Variants in XKR4 observed in about 807,000 individuals in gnomAD.
XKR4 encodes the protein XK related 4.
XKR4 carries 12 observed loss-of-function variants against 53.9 expected under a neutral mutation model. The ratio of observed to expected loss-of-function variants is 0.22; its 90% confidence interval spans 0.14 to 0.36. The LOEUF is 0.36. Among genes scored for constraint, XKR4 ranks in the 10% least tolerant of loss-of-function variants. The pLI is 1.00. For missense variants in XKR4, 799 were observed against 859.5 expected (o/e 0.93, Z 0.88); for synonymous variants, 354 against 362.4 (o/e 0.98, Z 0.26).
chr8:55,500,067 T>A (rs1184049097), intron 2 of XKR4, among the ~76,000 whole-genome samples: 6 of 151,848 alleles, frequency 4.0e-5, no homozygotes, highest in Admixed American at 3.9e-4. Flanking sequence ...GAGGAAATGG[T>A]TTTACTGCCT....
At chr8:55,432,223 A>C (rs900293869) in intron 2 of XKR4, among the ~76,000 whole-genome samples, 4 of 152,096 alleles carry the variant, frequency 2.6e-5, no homozygotes, top group African/African-American at 4.8e-5. Flanking sequence ...AAGCCAGGCC[A>C]CCTGGGTTGG....
At chr8:55,122,251 G>A (rs1411956188) in intron 1 of XKR4, among the ~76,000 whole-genome samples, 2 of 152,258 alleles carry the variant, frequency 1.3e-5, no homozygotes, top group African/African-American at 2.4e-5. Context: ...GGTGTCAAAT[G>A]TCAGTGTCAC....
At position 55,532,024 on chromosome 8, in the gene XKR4, T is replaced by C. The variant is rs1204800983; in HGVS notation, c.*7797T>C. 2 of 152,208 alleles carry C rather than the reference T, an allele frequency of 1.3e-5. No individual in the cohort carries two copies. The highest frequency in any genetic ancestry group is 2.4e-5 in the African/African-American group (1 of 41,442). The allele number at this position is 152,208 out of a possible 1,614,324, so 9.4% of individuals were successfully genotyped here. A position where few individuals can be genotyped will look rare whatever the true frequency, so the allele number is the denominator to read the frequency against. On this transcript the variant is annotated 3_prime_UTR_variant, in exon 3 of 3. Coordinates refer to ENST00000327381, the MANE Select transcript of XKR4 (RefSeq NM_052898.2). ...TCCTGAGTGATTGGCTTCCCACATA[T>C]ATAAGCAGCAGATTGTTAAAGATCA...
intron 1 of XKR4, among the ~76,000 whole-genome samples, chr8:55,123,534 G>A (rs913519858): frequency 6.6e-6 from 1 of 152,206 alleles, no homozygotes; most frequent in Non-Finnish European, 1.5e-5. Context: ...TGATGACACT[G>A]CATTGTCTAA....
chr8:55,413,884 A>G (rs1804809247), intron 2 of XKR4, among the ~76,000 whole-genome samples: 1 of 152,222 alleles, frequency 6.6e-6, no homozygotes, highest in South Asian at 2.1e-4. Flanking sequence ...CAAGTAAAAC[A>G]TTGCTTTGCT....
chr8:55,149,248 CT>C (rs1409208086), intron 1 of XKR4, among the ~76,000 whole-genome samples: 2 of 152,314 alleles, frequency 1.3e-5, no homozygotes, highest in African/African-American at 4.8e-5. Flanking sequence ...CTCATATTAT[CT>C]AACTAATTGT....
intron 2 of XKR4, among the ~76,000 whole-genome samples, chr8:55,410,919 C>G (rs1234036168): frequency 1.3e-5 from 2 of 152,172 alleles, no homozygotes; most frequent in African/African-American, 4.8e-5. Context: ...TGCTCCCCAC[C>G]CTTCCCAAGA....
chr8:55,314,877 GTGGAGAAGGCTCTGTGGT>G (rs1819449266), intron 1 of XKR4, among the ~76,000 whole-genome samples: 1 of 152,210 alleles, frequency 6.6e-6, no homozygotes, highest in South Asian at 2.1e-4. Flanking sequence ...GCAGCTCAGT[GTGGAGAAGGCTCTGTGGT>G]TGGAGAGGTC....
At chr8:55,304,645 G>T (rs1033958099) in intron 1 of XKR4, among the ~76,000 whole-genome samples, 1 of 152,098 alleles carries the variant, frequency 6.6e-6, no homozygotes, top group Non-Finnish European at 1.5e-5. Flanking sequence ...TCTCTTTGTA[G>T]GTCACTAAGG....
At chr8:55,326,778 G>C (rs1463065980) in intron 1 of XKR4, among the ~76,000 whole-genome samples, 1 of 151,628 alleles carries the variant, frequency 6.6e-6, no homozygotes, top group Non-Finnish European at 1.5e-5. Context: ...GCCTACAACT[G>C]GTTTAAAAGT....
chr8:55,283,091 C>T (rs1818862675), intron 1 of XKR4, among the ~76,000 whole-genome samples: 1 of 152,038 alleles, frequency 6.6e-6, no homozygotes, highest in Non-Finnish European at 1.5e-5. Context: ...TACCATATAG[C>T]CTAGGTGTGT....
At chr8:55,221,545 C>T (rs1472809061) in intron 1 of XKR4, among the ~76,000 whole-genome samples, 1 of 152,144 alleles carries the variant, frequency 6.6e-6, no homozygotes, top group Admixed American at 6.5e-5. Context: ...CACCTTAGGG[C>T]TCAGATGTCC....
chr8:55,301,928 T>C (rs1456965814), intron 1 of XKR4, among the ~76,000 whole-genome samples: 4 of 152,228 alleles, frequency 2.6e-5, no homozygotes, highest in African/African-American at 9.6e-5. Context: ...GCAAAAATTT[T>C]CTCCCATTTT....
Position 55,357,694 on chromosome 8 carries a change from T to C in XKR4, c.823T>C (p.Tyr275His). 2 of 1,614,218 alleles carry C rather than the reference T, an allele frequency of 1.2e-6. No individual in the cohort carries two copies. Among genetic ancestry groups the C allele is most frequent in the East Asian group, 2.2e-5 (1 of 44,890 alleles). The change falls in exon 2 of 3, where the codon TAC (tyrosine) becomes CAC (histidine). Residue 275 changes from tyrosine (Y) to histidine (H), a missense_variant. Physicochemically the swap from Tyr to His is moderately conservative, Grantham distance 83. Coordinates refer to ENST00000327381, the MANE Select transcript of XKR4 (RefSeq NM_052898.2). The part of the protein sequence containing the change: ...GQIWRYFHTI[Y>H]LGIRSRQSGE... ...TCTTTCTAGATATTTCCACACAATA[T>C]ACTTAGGTATTCGAAGCCGACAGAG...
intron 2 of XKR4, among the ~76,000 whole-genome samples, chr8:55,465,532 C>A (rs1472647066): frequency 2.6e-5 from 4 of 151,664 alleles, no homozygotes; most frequent in African/African-American, 9.7e-5. Context: ...CCATAAAAAC[C>A]CTAGAAGAAA....
intron 2 of XKR4, among the ~76,000 whole-genome samples, chr8:55,493,910 G>A (rs564683245): frequency 2.0e-5 from 3 of 152,198 alleles, no homozygotes; most frequent in Non-Finnish European, 2.9e-5. Flanking sequence ...AGTAATCTTC[G>A]TATCCATCCA....
At chr8:55,280,499 T>C (rs1818829860) in intron 1 of XKR4, among the ~76,000 whole-genome samples, 1 of 152,226 alleles carries the variant, frequency 6.6e-6, no homozygotes, top group Admixed American at 6.5e-5. Context: ...TCTAGTCCTA[T>C]GTGCATCTAT....
At chr8:55,187,850 C>T (rs1406966696) in intron 1 of XKR4, among the ~76,000 whole-genome samples, 3 of 152,078 alleles carry the variant, frequency 2.0e-5, no homozygotes, top group African/African-American at 7.2e-5. Context: ...TGAAACATGT[C>T]CAGGAGTTAA....
chr8:55,294,524 A>T (rs1415602673), intron 1 of XKR4, among the ~76,000 whole-genome samples: 1 of 152,182 alleles, frequency 6.6e-6, no homozygotes, highest in Non-Finnish European at 1.5e-5. Flanking sequence ...ACAGGTTATC[A>T]TATCTCCAAC....
Sources: allele counts gnomAD v4.1 joint callset (sites outside exome capture counted in the v4.1 genomes callset), GRCh38; gene constraint gnomAD v4.1.1; transcripts MANE v1.5; gene names NCBI Gene and HGNC (gene_info 2026-07-23, HGNC 2026-07-21).